The following GPR89A variants were observed in gnomAD, a reference collection of about 807,000 sequenced individuals.
GPR89A encodes G protein-coupled receptor 89A.
GPR89A carries 16 observed loss-of-function variants against 52.0 expected under a neutral mutation model. The ratio of observed to expected loss-of-function variants is 0.31; its 90% CI spans 0.21 to 0.47. The LOEUF is 0.47. GPR89A is among the 20% of genes least tolerant of loss of function. The probability of loss-of-function intolerance (pLI) is 1.00; values close to 1 mark genes in which losing one functional copy is unlikely to be tolerated. For synonymous variants in GPR89A, 55 were observed against 150.9 expected, an observed-to-expected ratio of 0.36 and a Z score of 4.66; for missense variants, 135 against 449.4, an observed-to-expected ratio of 0.30 and a Z score of 6.33.
chr1:145,643,529 G>A lies in GPR89A; in HGVS notation c.618-340G>A, dbSNP rs587652875. Among the ~76,000 whole-genome samples, 298 of 152,194 alleles carry A rather than the reference G, an allele frequency of 2.0e-3. 1 individual carries two copies. Among genetic ancestry groups the A allele is most frequent in the Non-Finnish European group, 3.3e-3 (227 of 68,014 alleles). ...CTGTAGTAATTAAACTATGTATAGC[G>A]CCTCATATGAACATGAATTCATATG... On this transcript the variant is annotated intron_variant, in intron 7 of 13. Coordinates refer to ENST00000313835, the MANE Select transcript of GPR89A (RefSeq NM_001097612.2).
intron 1 of GPR89A, chr1:145,608,819 CAACA>C (rs1648030813): frequency 6.4e-6 from 1 of 157,460 alleles, no homozygotes; most frequent in Non-Finnish European, 1.4e-5. Context: ...TTTGTACAGT[CAACA>C]AACATTTATC....
intron 7 of GPR89A, among the ~76,000 whole-genome samples, chr1:145,635,224 G>A (rs1159311281): frequency 6.6e-6 from 1 of 152,266 alleles, no homozygotes; most frequent in East Asian, 1.9e-4. Context: ...GGCTAATACG[G>A]TGAAACCCCA....
At chr1:145,667,944 T>C (rs1553696755) in intron 12 of GPR89A, among the ~76,000 whole-genome samples, 1 of 152,202 alleles carries the variant, frequency 6.6e-6, no homozygotes, top group Non-Finnish European at 1.5e-5. Flanking sequence ...TCTGTTTTGG[T>C]ACCAGTACCA....
intron 10 of GPR89A, among the ~76,000 whole-genome samples, chr1:145,659,294 C>G (rs1553695068): frequency 6.6e-6 from 1 of 152,042 alleles, no homozygotes; most frequent in East Asian, 1.9e-4. Context: ...AAGCAATTCT[C>G]CTGCCTCAGC....
In GPR89A at chr1:145,655,060, A is replaced by G. The variant is rs373064024; in HGVS notation, c.909+7793A>G. ...TCAGCAAGATAGTCTTCAAGCTCTGAGATTCTTTCCTCTGCTTAGTCTCTT... is the reference window on the plus strand; with the variant it reads ...TCAGCAAGATAGTCTTCAAGCTCTGGGATTCTTTCCTCTGCTTAGTCTCTT... On this transcript the variant is annotated intron_variant, in intron 10 of 13. Coordinates refer to ENST00000313835, the MANE Select transcript of GPR89A (RefSeq NM_001097612.2). Among the ~76,000 whole-genome samples the G allele has an allele frequency of 2.1e-4, 31 of 148,558 alleles. No individual in the cohort carries two copies. In the East Asian group the frequency reaches 5.9e-3, roughly 28 times the overall value.
intron 1 of GPR89A, among the ~76,000 whole-genome samples, chr1:145,615,522 G>A: frequency 6.6e-6 from 1 of 150,790 alleles, no homozygotes; most frequent in East Asian, 2.0e-4. Flanking sequence ...TTTTATGTGT[G>A]TGTGTTTTTT....
intron 7 of GPR89A, among the ~76,000 whole-genome samples, chr1:145,633,895 T>C (rs1218250945): frequency 3.3e-5 from 5 of 150,462 alleles, no homozygotes; most frequent in Admixed American, 2.0e-4. Flanking sequence ...CCATCCCACT[T>C]AAAATAGCTA....
chr1:145,629,117 A>G (rs587710988), intron 5 of GPR89A, among the ~76,000 whole-genome samples: 77 of 152,112 alleles, frequency 5.1e-4, no homozygotes, highest in African/African-American at 1.8e-3. Context: ...CTGGCAGAAA[A>G]CCAAAAACAA....
chr1:145,648,712 C>T (rs1161044790), intron 10 of GPR89A, among the ~76,000 whole-genome samples: 1 of 151,746 alleles, frequency 6.6e-6, no homozygotes, highest in Non-Finnish European at 1.5e-5. Context: ...AACTCCTGAG[C>T]TCAGGCAATC....
intron 1 of GPR89A, among the ~76,000 whole-genome samples, chr1:145,614,245 G>A (rs1553686625): frequency 6.6e-6 from 1 of 152,036 alleles, no homozygotes; most frequent in Non-Finnish European, 1.5e-5. Context: ...CCTTCGGCTC[G>A]GGCATTATCT....
Position 145,626,852 on chromosome 1 carries a change from C to T in GPR89A, c.415+3138C>T, listed in dbSNP as rs1262316488. Among the ~76,000 whole-genome samples, 10 of 149,190 alleles carry T rather than the reference C, an allele frequency of 6.7e-5. No homozygotes were observed. The South Asian group carries it at 2.0e-3, about 29-fold the overall frequency. ...GTAATCCCAGCTACTCCCCGGAGGC[C>T]GGAGACACAAGAATTGCTTAAACCC... is the stretch of plus-strand genomic sequence containing the variant. On this transcript the variant is annotated intron_variant, in intron 5 of 13. Transcript: ENST00000313835.
intron 10 of GPR89A, among the ~76,000 whole-genome samples, chr1:145,658,241 C>T (rs1172100186): frequency 6.6e-6 from 1 of 151,444 alleles, no homozygotes; most frequent in Non-Finnish European, 1.5e-5. Context: ...CTATATTGCC[C>T]AGGCTGAGCC....
intron 11 of GPR89A, among the ~76,000 whole-genome samples, chr1:145,663,946 AT>A (rs1452641845): frequency 1.0e-3 from 150 of 149,290 alleles, no homozygotes; most frequent in Non-Finnish European, 1.5e-3. Flanking sequence ...TATGCACAAA[AT>A]TTTTTTTTAA....
intron 10 of GPR89A, among the ~76,000 whole-genome samples, chr1:145,660,609 G>GA (rs1652124441): frequency 6.6e-6 from 1 of 151,894 alleles, no homozygotes; most frequent in African/African-American, 2.4e-5. Flanking sequence ...AAGTTTACAA[G>GA]AAAAAAACAA....
intron 1 of GPR89A, among the ~76,000 whole-genome samples, chr1:145,610,293 A>T (rs1488269673): frequency 1.3e-5 from 2 of 151,942 alleles, no homozygotes; most frequent in Non-Finnish European, 2.9e-5. Context: ...TCACGTATTC[A>T]ATCTTGCTCA....
chr1:145,657,196 C>A (rs1260539937), intron 10 of GPR89A, among the ~76,000 whole-genome samples: 3 of 148,246 alleles, frequency 2.0e-5, no homozygotes, highest in African/African-American at 2.6e-5. Context: ...GAATTTGAGA[C>A]CAGCCTGGGC....
Position 145,663,406 on chromosome 1 carries a change from T to C in GPR89A, c.987T>C (p.Tyr329=), listed in dbSNP as rs373170070. 2.5e-4 allele frequency: 401 copies of C among 1,610,654 alleles called. No homozygotes were observed. In the African/African-American group the frequency reaches 4.9e-3, roughly 20 times the overall value. The change falls in exon 11 of 14, where the codon TAT becomes TAC. Residue 329 remains tyrosine, a synonymous_variant. Transcript: ENST00000313835. The part of the protein sequence containing the change: ...VTRGIEITVN[Y]LGIQFDVKFW... The stretch of plus-strand genomic sequence containing the variant: ...GAGGCATTGAGATCACTGTGAATTA[T>C]CTGGGAATCCAATTTGATGTAAGTG...
chr1:145,635,815 T>C (rs1650198050), intron 7 of GPR89A, among the ~76,000 whole-genome samples: 1 of 152,256 alleles, frequency 6.6e-6, no homozygotes, highest in African/African-American at 2.4e-5. Context: ...AAAAATTATC[T>C]GGGCATAGTG....
intron 10 of GPR89A, among the ~76,000 whole-genome samples, chr1:145,656,481 G>C (rs1553694551): frequency 6.6e-6 from 1 of 152,148 alleles, no homozygotes; most frequent in Non-Finnish European, 1.5e-5. Flanking sequence ...CGTGGGTTGT[G>C]CCAACTGCCT....
Sources: gnomAD v4.1 joint callset for allele counts (sites outside exome capture counted in the v4.1 genomes callset) on GRCh38, gnomAD v4.1.1 for gene constraint, MANE v1.5 for transcripts, NCBI Gene and HGNC (gene_info 2026-07-23, HGNC 2026-07-21) for gene names.